Variants in UBR3 observed in about 807,000 individuals in gnomAD.
UBR3 encodes E3 ubiquitin-protein ligase UBR3.
A neutral mutation model predicts 243.2 loss-of-function variants in UBR3; 85 were observed. That is an observed-to-expected ratio of 0.35 (90% CI 0.29 to 0.42). The LOEUF is 0.42. UBR3 is among the 10% of genes least tolerant of loss of function. The pLI, the probability that UBR3 is intolerant of heterozygous loss-of-function variation, is 1.00. For missense variants in UBR3, 1,686 were observed against 2,300.8 expected (o/e 0.73, Z 5.47); for synonymous variants, 748 against 799.8 (o/e 0.94, Z 1.09).
At chr2:170,019,200 A>G (rs887554082) in intron 30 of UBR3, among the ~76,000 whole-genome samples, 5 of 152,148 alleles carry the variant, frequency 3.3e-5, no homozygotes, top group South Asian at 2.1e-4. Flanking sequence ...TTGCCTTGAC[A>G]TTTTCATTTG....
chr2:170,066,120 C>G (rs2091563108), intron 35 of UBR3, among the ~76,000 whole-genome samples: 1 of 152,082 alleles, frequency 6.6e-6, no homozygotes, highest in African/African-American at 2.4e-5. Flanking sequence ...TTCTAATAGT[C>G]TGGAGACTCT....
intron 8 of UBR3, among the ~76,000 whole-genome samples, chr2:169,897,139 G>A (rs981503312): frequency 6.6e-6 from 1 of 152,002 alleles, no homozygotes; most frequent in Non-Finnish European, 1.5e-5. Context: ...ATAAGTGCAG[G>A]TATTAATATC....
At position 169,949,816 on chromosome 2, in the gene UBR3, A is replaced by G. The variant is rs922146221; in HGVS notation, c.3296A>G (p.Lys1099Arg). The change falls in exon 23 of 39, where the codon AAA (lysine) becomes AGA (arginine). Residue 1099 changes from lysine to arginine, a missense_variant. This residue lies in a region of UBR3 where 300 missense variants were observed against 314.4 expected (regional missense o/e 0.95). Coordinates refer to ENST00000272793, the MANE Select transcript of UBR3 (RefSeq NM_172070.4). ...ILSLLIKLHH[K>R]LSGKQNSYYP... ...TCTTTGCTAATTAAACTTCACCACAAACTCTCAGGAAAACAAAACTCCTAC... is the reference window on the plus strand; with the variant it reads ...TCTTTGCTAATTAAACTTCACCACAGACTCTCAGGAAAACAAAACTCCTAC... The G allele has an allele frequency of 1.3e-6, 2 of 1,555,860 alleles. No homozygotes were observed. The highest frequency in any genetic ancestry group is 2.4e-5 in the East Asian group (1 of 41,402).
intron 24 of UBR3, among the ~76,000 whole-genome samples, chr2:169,970,477 C>A (rs1367009602): frequency 1.1e-5 from 1 of 88,726 alleles, no homozygotes; most frequent in South Asian, 4.7e-4. Context: ...CTCCCCCCTC[C>A]CCCCACCCCA....
chr2:169,837,176 C>T (rs533349409), intron 1 of UBR3, among the ~76,000 whole-genome samples: 55 of 152,228 alleles, frequency 3.6e-4, no homozygotes, highest in African/African-American at 1.3e-3. Flanking sequence ...TGTTTTCGCA[C>T]TGCTATAAAG....
At chr2:169,873,106 A>G (rs2083485159) in intron 2 of UBR3, among the ~76,000 whole-genome samples, 1 of 152,136 alleles carries the variant, frequency 6.6e-6, no homozygotes, top group Admixed American at 6.5e-5. Flanking sequence ...TTTCTGTTCT[A>G]TAAGAGATTA....
chr2:169,988,068 T>C (rs2089104614), intron 25 of UBR3, among the ~76,000 whole-genome samples: 1 of 152,236 alleles, frequency 6.6e-6, no homozygotes, highest in African/African-American at 2.4e-5. Flanking sequence ...GAAGTAGAGC[T>C]GTCCAAATCA....
intron 5 of UBR3, among the ~76,000 whole-genome samples, chr2:169,890,561 A>G (rs1178006419): frequency 2.9e-5 from 3 of 104,676 alleles, no homozygotes; most frequent in Non-Finnish European, 3.9e-5. Context: ...ATATATATAT[A>G]TATGTGTATA....
At chr2:169,956,557 A>G (rs1481390493) in intron 23 of UBR3, among the ~76,000 whole-genome samples, 5 of 152,136 alleles carry the variant, frequency 3.3e-5, no homozygotes, top group African/African-American at 1.2e-4. Flanking sequence ...AAAACAGTAT[A>G]AAAGAATTGT....
Position 170,081,289 on chromosome 2 carries a change from A to G in UBR3, c.5550-437A>G, listed in dbSNP as rs577431999. ...CGAGGTGGGTGGATCACTTGAGGTC[A>G]GGAGTTCGAGACCAGGCTGGCCAAT... On this transcript the variant is annotated intron_variant, in intron 38 of 38. Coordinates refer to ENST00000272793, the MANE Select transcript of UBR3 (RefSeq NM_172070.4). Among the ~76,000 whole-genome samples the G allele has an allele frequency of 1.7e-4, 26 of 152,296 alleles. 1 individual carries two copies. The Middle Eastern group carries it at 0.014, about 80-fold the overall frequency.
At chr2:169,882,802 A>C (rs1233517721) in intron 5 of UBR3, among the ~76,000 whole-genome samples, 1 of 152,106 alleles carries the variant, frequency 6.6e-6, no homozygotes, top group East Asian at 1.9e-4. Flanking sequence ...AATTAGTGTC[A>C]AGCAATTCAA....
intron 20 of UBR3, 138 bp downstream of exon 20, chr2:169,942,772 A>G: frequency 4.6e-6 from 4 of 872,850 alleles, no homozygotes; most frequent in Non-Finnish European, 6.4e-6. Flanking sequence ...AAGATATGTT[A>G]TAATCACATG....
At chr2:170,069,553 T>C (rs965447211) in intron 35 of UBR3, among the ~76,000 whole-genome samples, 2 of 152,090 alleles carry the variant, frequency 1.3e-5, no homozygotes, top group African/African-American at 4.8e-5. Context: ...TTATTCATCT[T>C]ATAACAGAGT....
Position 170,061,374 on chromosome 2 carries a change from C to T in UBR3, c.4950C>T (p.Cys1650=). ...ESMEKCLQDF[C]LPFLRITSLL... Reference sequence around the variant, plus strand: ...TGGAAAAATGCTTACAGGACTTCTGCTTACCTTTTCTCAGAATCACCAGCC... The same window carrying T: ...TGGAAAAATGCTTACAGGACTTCTGTTTACCTTTTCTCAGAATCACCAGCC... Residue 1650 remains cysteine (C), a synonymous_variant, in exon 35 of 39, where the codon TGC becomes TGT. Transcript: ENST00000272793. 1 of 1,614,144 alleles carries T rather than the reference C, an allele frequency of 6.2e-7. No individual in the cohort carries two copies.
At chr2:170,050,101 G>A (rs576800213) in intron 32 of UBR3, among the ~76,000 whole-genome samples, 17 of 152,192 alleles carry the variant, frequency 1.1e-4, no homozygotes, top group Admixed American at 2.0e-4. Context: ...GTTGTTAGAC[G>A]GACTTGGTAT....
At chr2:169,920,021 A>T (rs199663938) in intron 11 of UBR3, among the ~76,000 whole-genome samples, 64,141 of 151,794 alleles carry the variant, frequency 0.42, 15,125 homozygotes, top group Non-Finnish European at 0.54. Context: ...GTATGTTTAT[A>T]GCGGCACTAT....
intron 33 of UBR3, 80 bp from the exon 34 acceptor site, chr2:170,060,993 TTTACTC>T (rs1246581682): frequency 2.2e-6 from 2 of 915,536 alleles, no homozygotes; most frequent in Middle Eastern, 3.6e-4. Context: ...TAATCACAGT[TTTACTC>T]TACTCATTAA....
chr2:170,055,323 A>C, intron 32 of UBR3, 137 bp from the exon 33 acceptor site: 1 of 1,010,900 alleles, frequency 9.9e-7, no homozygotes, highest in Non-Finnish European at 1.4e-6. Context: ...ACCTCGTCTC[A>C]AAAACAAACA....
At chr2:169,895,387 A>G in intron 7 of UBR3, 76 bp downstream of exon 7, 13 of 1,435,936 alleles carry the variant, frequency 9.1e-6, no homozygotes, top group Non-Finnish European at 1.2e-5. Context: ...TTTTTTTGAT[A>G]TATTTCTCAG....
Sources: allele counts gnomAD v4.1 joint callset (sites outside exome capture counted in the v4.1 genomes callset), GRCh38; gene constraint gnomAD v4.1.1; regional missense constraint gnomAD v4.1.1; transcripts MANE v1.5; gene names NCBI Gene and HGNC (gene_info 2026-07-23, HGNC 2026-07-21).